Variants in PCLO observed in about 807,000 individuals in gnomAD.
The protein encoded by PCLO is protein piccolo.
A neutral mutation model predicts 427.5 loss-of-function variants in PCLO; 82 were observed. The observed-to-expected ratio is 0.19, with a 90% CI of 0.16 to 0.23. PCLO has a LOEUF of 0.23. Ranked by LOEUF, PCLO falls within the 10% of genes least tolerant of loss-of-function variation. PCLO has a pLI of 1.00. For missense variants in PCLO, 6,239 were observed against 6,115.9 expected (o/e 1.02, Z -0.67); for synonymous variants, 2,357 against 2,155.4 (o/e 1.09, Z -2.59).
At chr7:82,874,784 C>A (rs1263937570) in intron 10 of PCLO, among the ~76,000 whole-genome samples, 2 of 151,968 alleles carry the variant, frequency 1.3e-5, no homozygotes, top group Non-Finnish European at 2.9e-5. Flanking sequence ...ATTCAAAGTC[C>A]ATATATTCTA....
chr7:83,138,824 T>C (rs1791793615), intron 2 of PCLO, among the ~76,000 whole-genome samples: 1 of 150,298 alleles, frequency 6.7e-6, no homozygotes, highest in African/African-American at 2.5e-5. Flanking sequence ...CTGGGGCCTC[T>C]CGGGGGGTGG....
chr7:83,130,091 T>G (rs1791532229), intron 3 of PCLO, among the ~76,000 whole-genome samples: 1 of 152,106 alleles, frequency 6.6e-6, no homozygotes, highest in Admixed American at 6.6e-5. Context: ...TTGCCATGGG[T>G]GCCAGAAATT....
intron 3 of PCLO, among the ~76,000 whole-genome samples, chr7:83,104,130 T>C (rs1357461695): frequency 1.7e-5 from 2 of 117,438 alleles, no homozygotes; most frequent in African/African-American, 6.4e-5. Flanking sequence ...GGAACAACAT[T>C]TTCTTAATTT....
At chr7:82,844,400 T>A (rs1211742439) in intron 13 of PCLO, among the ~76,000 whole-genome samples, 1 of 152,168 alleles carries the variant, frequency 6.6e-6, no homozygotes, top group East Asian at 1.9e-4. Context: ...ATGATTAAGG[T>A]CAACCTACTT....
intron 3 of PCLO, among the ~76,000 whole-genome samples, chr7:83,115,923 A>C (rs2116541141): frequency 6.6e-6 from 1 of 151,940 alleles, no homozygotes; most frequent in African/African-American, 2.4e-5. Flanking sequence ...TTTGTTTTAG[A>C]TCTTATAATT....
At chr7:82,851,443 G>A (rs557021546) in intron 10 of PCLO, among the ~76,000 whole-genome samples, 5 of 151,670 alleles carry the variant, frequency 3.3e-5, no homozygotes, top group East Asian at 1.9e-4. Context: ...TAAATAACAC[G>A]CGCACAAAAT....
intron 3 of PCLO, among the ~76,000 whole-genome samples, chr7:82,971,503 A>G (rs1023167279): frequency 8.8e-5 from 13 of 148,284 alleles, no homozygotes; most frequent in African/African-American, 3.2e-4. Context: ...TTATATATAT[A>G]ATAAAATTTC....
chr7:83,157,560 A>G (rs1219676370), intron 1 of PCLO, among the ~76,000 whole-genome samples: 2 of 151,816 alleles, frequency 1.3e-5, no homozygotes, highest in Non-Finnish European at 2.9e-5. Flanking sequence ...TACATTTTAA[A>G]TGACTATGGT....
At chr7:83,038,474 A>C (rs73387661) in intron 3 of PCLO, among the ~76,000 whole-genome samples, 2,897 of 152,024 alleles carry the variant, frequency 0.019, 106 homozygotes, top group African/African-American at 0.066. Flanking sequence ...GAATTGAATT[A>C]TAAAATATGC....
chr7:82,859,010 GC>G lies in PCLO; in HGVS notation c.13655-11764del, dbSNP rs574135723. Among the ~76,000 whole-genome samples the G allele has an allele frequency of 3.6e-3, 541 of 152,264 alleles. 1 individual carries two copies. Among genetic ancestry groups the G allele is most frequent in the Non-Finnish European group, 4.8e-3 (326 of 68,010 alleles). On this transcript the variant is annotated intron_variant, in intron 10 of 24. Transcript: ENST00000333891. Reference sequence around the variant, plus strand: ...AGAGATATGGTGTCTATGGGGTGAGGCTTGGCTCCTCTGAAAAGGCAGGGAA... The same window carrying G: ...AGAGATATGGTGTCTATGGGGTGAGGTTGGCTCCTCTGAAAAGGCAGGGAA...
At chr7:82,925,782 C>T (rs936248514) in intron 6 of PCLO, among the ~76,000 whole-genome samples, 13 of 133,078 alleles carry the variant, frequency 9.8e-5, no homozygotes, top group African/African-American at 2.3e-4. Context: ...TGCAGTGGTG[C>T]GGTCATGGCT....
chr7:82,990,154 C>A (rs1483006141), intron 3 of PCLO, among the ~76,000 whole-genome samples: 1 of 152,074 alleles, frequency 6.6e-6, no homozygotes, highest in Non-Finnish European at 1.5e-5. Flanking sequence ...GAGTTGAGGG[C>A]AAGACCCAGA....
intron 3 of PCLO, among the ~76,000 whole-genome samples, chr7:83,075,517 T>C (rs1789929300): frequency 6.6e-6 from 1 of 152,184 alleles, no homozygotes; most frequent in Non-Finnish European, 1.5e-5. Flanking sequence ...CAAAAATCCA[T>C]GAGTTCTAAA....
In PCLO at chr7:82,855,847, T is replaced by C. The variant is rs531965053; in HGVS notation, c.13655-8600A>G. Among the ~76,000 whole-genome samples, 21 of 151,684 alleles carry C rather than the reference T, an allele frequency of 1.4e-4. No individual in the cohort carries two copies. In the South Asian group the frequency reaches 4.4e-3, roughly 32 times the overall value. On this transcript the variant is annotated intron_variant, in intron 10 of 24. Coordinates refer to ENST00000333891, the MANE Select transcript of PCLO (RefSeq NM_033026.6). The stretch of plus-strand genomic sequence containing the variant: ...TGCAGATTCAGTGCTAGGGAGGAAA[T>C]GGTGGTTGGAGGTTCCAAAGGAAGT...
At chr7:83,043,777 T>A (rs1789028464) in intron 3 of PCLO, among the ~76,000 whole-genome samples, 1 of 152,168 alleles carries the variant, frequency 6.6e-6, no homozygotes, top group African/African-American at 2.4e-5. Flanking sequence ...CAAAAATGGC[T>A]AGGGATGCTC....
chr7:82,981,863 T>C (rs1184905855), intron 3 of PCLO, among the ~76,000 whole-genome samples: 1 of 152,156 alleles, frequency 6.6e-6, no homozygotes, highest in East Asian at 1.9e-4. Context: ...TAGAAGTTTA[T>C]TTGTAGGTGT....
In PCLO at chr7:83,162,629, C is replaced by T; in HGVS notation, c.-37G>A. The T allele has an allele frequency of 1.3e-6, 2 of 1,499,470 alleles. No homozygotes were observed. The highest frequency in any genetic ancestry group is 1.8e-6 in the Non-Finnish European group (2 of 1,128,278). The allele number at this position is 1,499,470 out of a possible 1,614,324, so 92.9% of individuals were successfully genotyped here. On this transcript the variant is annotated 5_prime_UTR_variant, in exon 1 of 25. Transcript: ENST00000333891. ...ACTCGGGGCCGCCGCGCTCCCTCCT[C>T]GCGCCGCGTCCCAGTCGAGAAGCCC...
rs1453659347 is a variant in PCLO at position 82,952,123 on chromosome 7, C to G, written c.8830G>C (p.Val2944Leu). The change falls in exon 5 of 25, where the codon GTT (valine) becomes CTT (leucine). Residue 2944 changes from valine to leucine, a missense_variant. By Grantham distance (32) the Val-to-Leu change is conservative. Transcript: ENST00000333891. ...AGRRAVCCDV[V>L]YKLPFGRSCT... is the part of the protein sequence containing the mutation. ...CTCCTTCCAAATGGTAATTTATAAA[C>G]CACATCACAGCACACAGCTCTTCTC... 6 of 1,613,780 alleles carry G rather than the reference C, an allele frequency of 3.7e-6. No individual in the cohort carries two copies. The African/African-American group carries it at 8.0e-5, about 22-fold the overall frequency.
intron 3 of PCLO, among the ~76,000 whole-genome samples, chr7:83,003,074 A>T (rs1452605053): frequency 6.6e-6 from 1 of 151,468 alleles, no homozygotes; most frequent in East Asian, 1.9e-4. Context: ...TTAAACTACA[A>T]TTGGATTTCT....
Sources: gnomAD v4.1 joint callset for allele counts (sites outside exome capture counted in the v4.1 genomes callset) on GRCh38, gnomAD v4.1.1 for gene constraint, MANE v1.5 for transcripts, NCBI Gene and HGNC (gene_info 2026-07-23, HGNC 2026-07-21) for gene names.